The following CAMTA1 variants were observed in gnomAD, a reference collection of about 807,000 sequenced individuals.
CAMTA1 encodes calmodulin binding transcription activator 1, also known as calmodulin-binding transcription activator 1.
In CAMTA1, 27 loss-of-function variants were observed where a neutral mutation model predicts 170.9. That is an observed-to-expected ratio of 0.16 (90% CI 0.12 to 0.22). CAMTA1 has a LOEUF of 0.22. CAMTA1 is among the 10% of genes least tolerant of loss of function. The pLI, the probability that CAMTA1 is intolerant of heterozygous loss-of-function variation, is 1.00. For missense variants in CAMTA1, 1,619 were observed against 2,217.2 expected, an observed-to-expected ratio of 0.73 and a Z score of 5.42; for synonymous variants, 833 against 891.5, an observed-to-expected ratio of 0.93 and a Z score of 1.17.
intron 4 of CAMTA1, among the ~76,000 whole-genome samples, chr1:7,231,342 T>C (rs1271354187): frequency 1.8e-5 from 2 of 108,934 alleles, no homozygotes; most frequent in East Asian, 5.6e-4. Context: ...TGTGTGTGTG[T>C]GTGTGTGTGA....
At chr1:7,277,275 C>G (rs1039364597) in intron 5 of CAMTA1, among the ~76,000 whole-genome samples, 19 of 152,058 alleles carry the variant, frequency 1.2e-4, no homozygotes, top group African/African-American at 4.3e-4. Flanking sequence ...TTATAAAAAT[C>G]AAAGTAAAGT....
At chr1:7,110,280 C>T (rs1643937821) in intron 4 of CAMTA1, among the ~76,000 whole-genome samples, 3 of 151,822 alleles carry the variant, frequency 2.0e-5, no homozygotes, top group South Asian at 4.1e-4. Flanking sequence ...CCCCCTTCCC[C>T]CCTTTTTTTT....
intron 6 of CAMTA1, among the ~76,000 whole-genome samples, chr1:7,611,922 G>T (rs1469173114): frequency 2.0e-5 from 3 of 152,254 alleles, no homozygotes; most frequent in Non-Finnish European, 2.9e-5. Context: ...TTGCAACGGG[G>T]TATGGCTCAT....
chr1:7,128,750 G>C (rs1645074603), intron 4 of CAMTA1, among the ~76,000 whole-genome samples: 1 of 151,242 alleles, frequency 6.6e-6, no homozygotes, highest in East Asian at 1.9e-4. Context: ...TGCCTCCTGG[G>C]TTCAAGTGAT....
intron 3 of CAMTA1, among the ~76,000 whole-genome samples, chr1:7,021,222 G>A (rs1027705843): frequency 6.6e-6 from 1 of 152,228 alleles, no homozygotes; most frequent in Non-Finnish European, 1.5e-5. Context: ...GTGATGAATT[G>A]TGCTCCGGCA....
intron 6 of CAMTA1, among the ~76,000 whole-genome samples, chr1:7,469,664 C>T (rs536145960): frequency 6.6e-6 from 1 of 152,362 alleles, no homozygotes; most frequent in African/African-American, 2.4e-5. Context: ...CTCCTCCAGG[C>T]TGGTCTGCTC....
At chr1:6,955,012 T>C (rs1213294675) in intron 3 of CAMTA1, among the ~76,000 whole-genome samples, 4 of 152,172 alleles carry the variant, frequency 2.6e-5, no homozygotes, top group Non-Finnish European at 4.4e-5. Flanking sequence ...TTCGTGTTTA[T>C]TGATTGTTGT....
chr1:7,744,165 G>A (rs1210902470), intron 16 of CAMTA1, among the ~76,000 whole-genome samples: 2 of 66,046 alleles, frequency 3.0e-5, no homozygotes, highest in Non-Finnish European at 5.9e-5. Context: ...GGAGTCTCGC[G>A]CTGTCGCCCA....
Position 7,611,938 on chromosome 1 carries a change from T to G in CAMTA1, c.511-28462T>G, listed in dbSNP as rs184859539. The stretch of plus-strand genomic sequence containing the variant: ...TGCAACGGGGTATGGCTCATTTTCT[T>G]GGCAGCTGCCATGCGCCCACTGGGA... On this transcript the variant is annotated intron_variant, in intron 6 of 22. Coordinates refer to ENST00000303635, the MANE Select transcript of CAMTA1 (RefSeq NM_015215.4). Among the ~76,000 whole-genome samples, 3 of 152,370 alleles carry G rather than the reference T, an allele frequency of 2.0e-5. No homozygotes were observed. The East Asian group carries it at 5.8e-4, about 29-fold the overall frequency.
chr1:7,447,267 G>A (rs1271950990), intron 5 of CAMTA1, among the ~76,000 whole-genome samples: 1 of 152,112 alleles, frequency 6.6e-6, no homozygotes, highest in African/African-American at 2.4e-5. Flanking sequence ...GAGTAGGGGA[G>A]GGAAGCAGAG....
intron 6 of CAMTA1, among the ~76,000 whole-genome samples, chr1:7,584,000 C>T (rs984049361): frequency 7.9e-5 from 12 of 152,226 alleles, no homozygotes; most frequent in African/African-American, 2.4e-4. Context: ...GAGAATGGGG[C>T]GTCCATGGCA....
Position 7,383,226 on chromosome 1 carries a change from G to A in CAMTA1, c.439-84604G>A, listed in dbSNP as rs114577572. 6.9e-3 allele frequency among the ~76,000 whole-genome samples: 1,056 copies of A among 151,982 alleles called. 13 individuals are homozygous for A. The highest frequency in any genetic ancestry group is 0.025 in the African/African-American group (1,026 of 41,236). ...GACCTTTGCCGCAGAAAAGGAAGAAGGAGGGCCAGGACGGACATTGTTGCC... is the reference window on the plus strand; with the variant it reads ...GACCTTTGCCGCAGAAAAGGAAGAAAGAGGGCCAGGACGGACATTGTTGCC... On this transcript the variant is annotated intron_variant, in intron 5 of 22. Transcript: ENST00000303635.
chr1:7,034,236 C>T lies in CAMTA1; in HGVS notation c.235-57068C>T, dbSNP rs576296737. Among the ~76,000 whole-genome samples, 5 of 152,266 alleles carry T rather than the reference C, an allele frequency of 3.3e-5. No homozygotes were observed. The South Asian group carries it at 1.0e-3, about 32-fold the overall frequency. On this transcript the variant is annotated intron_variant, in intron 3 of 22. Transcript: ENST00000303635. ...GCAGTGGTGCGATCTTGGCTCACTG[C>T]AACCTCCACCTCCCAGGTTTGAGCA...
At chr1:7,480,181 CAG>C (rs2093495176) in intron 6 of CAMTA1, among the ~76,000 whole-genome samples, 1 of 121,356 alleles carries the variant, frequency 8.2e-6, no homozygotes, top group South Asian at 2.7e-4. Context: ...GCTTGTGTCT[CAG>C]TGCATGTGTG....
In CAMTA1 at chr1:7,642,393, C is replaced by A. The variant is rs79314400; in HGVS notation, c.664+1840C>A. ...GGACAGAAGCTGCAGTGTCCTGGCT[C>A]TGGGAGCCGGGGCTGCTGAGTGGCA... On this transcript the variant is annotated intron_variant, in intron 7 of 22. Coordinates refer to ENST00000303635, the MANE Select transcript of CAMTA1 (RefSeq NM_015215.4). This position sits in a 1 kb window ranked among gnomAD's most constrained non-coding sequence, Gnocchi z 6.3. 1.3e-5 allele frequency among the ~76,000 whole-genome samples: 2 copies of A among 152,180 alleles called. No homozygotes were observed.
chr1:7,698,074 A>G (rs1330257103), intron 11 of CAMTA1, among the ~76,000 whole-genome samples: 1 of 98,640 alleles, frequency 1.0e-5, no homozygotes, highest in African/African-American at 3.6e-5. Flanking sequence ...ACGCACTGTG[A>G]CCCCCCCCCC....
At chr1:7,130,228 C>T (rs1390791820) in intron 4 of CAMTA1, among the ~76,000 whole-genome samples, 1 of 152,154 alleles carries the variant, frequency 6.6e-6, no homozygotes, top group Non-Finnish European at 1.5e-5. Flanking sequence ...TGTGAGGCAC[C>T]ATGCCCAGTC....
chr1:7,327,744 C>T (rs981553947), intron 5 of CAMTA1, among the ~76,000 whole-genome samples: 6 of 152,150 alleles, frequency 3.9e-5, no homozygotes, highest in African/African-American at 1.4e-4. Context: ...CTTTATTTCT[C>T]ATCATTTTTT....
At chr1:7,618,916 T>C (rs2150748377) in intron 6 of CAMTA1, among the ~76,000 whole-genome samples, 1 of 152,300 alleles carries the variant, frequency 6.6e-6, no homozygotes, top group South Asian at 2.1e-4. Flanking sequence ...AAATGCTTTA[T>C]TCTTGTCTCT....
Sources: gnomAD v4.1 joint callset for allele counts (sites outside exome capture counted in the v4.1 genomes callset) on GRCh38, gnomAD v4.1.1 for gene constraint, Gnocchi (gnomAD v3.1) non-coding constraint, MANE v1.5 for transcripts, NCBI Gene and HGNC (gene_info 2026-07-23, HGNC 2026-07-21) for gene names.